The following DAB1 variants were observed in gnomAD, a reference collection of about 807,000 sequenced individuals.
The protein encoded by DAB1 is disabled homolog 1.
DAB1 carries 15 observed loss-of-function variants against 64.6 expected under a neutral mutation model. The ratio of observed to expected loss-of-function variants is 0.23; its 90% CI spans 0.16 to 0.36. DAB1 has a LOEUF of 0.36. DAB1 is among the 10% of genes least tolerant of loss of function. The pLI is 1.00. For missense variants in DAB1, 596 were observed against 706.7 expected, an observed-to-expected ratio of 0.84 and a Z score of 1.78; for synonymous variants, 235 against 251.9, an observed-to-expected ratio of 0.93 and a Z score of 0.64.
chr1:57,168,420 T>C (rs1661408123), intron 2 of DAB1, among the ~76,000 whole-genome samples: 1 of 152,170 alleles, frequency 6.6e-6, no homozygotes, highest in Non-Finnish European at 1.5e-5. Flanking sequence ...CTTACTCCCA[T>C]TTTCCCCTGC....
chr1:57,181,885 GTTTGT>G (rs916857026), intron 2 of DAB1, among the ~76,000 whole-genome samples: 2 of 151,966 alleles, frequency 1.3e-5, no homozygotes, highest in African/African-American at 2.4e-5. Context: ...TTTTTGTTTT[GTTTGT>G]TTTGTTTTGT....
chr1:58,531,379 G>A (rs1646431535), intron 1 of DAB1, among the ~76,000 whole-genome samples: 1 of 152,026 alleles, frequency 6.6e-6, no homozygotes, highest in African/African-American at 2.4e-5. Flanking sequence ...AAAGAATCAG[G>A]TTCTATGAAT....
intron 5 of DAB1, among the ~76,000 whole-genome samples, chr1:58,018,377 C>T (rs1646771963): frequency 6.6e-6 from 1 of 152,130 alleles, no homozygotes; most frequent in Non-Finnish European, 1.5e-5. Flanking sequence ...AGTTTTCAAA[C>T]CTTGGGCCTG....
chr1:57,407,517 C>G (rs1022841176), intron 1 of DAB1, among the ~76,000 whole-genome samples: 1 of 152,048 alleles, frequency 6.6e-6, no homozygotes, highest in African/African-American at 2.4e-5. Flanking sequence ...GAAGAATGAC[C>G]CTGTGTGGCA....
intron 2 of DAB1, among the ~76,000 whole-genome samples, chr1:57,185,466 T>C (rs978050231): frequency 2.0e-5 from 3 of 152,084 alleles, no homozygotes; most frequent in Admixed American, 2.0e-4. Flanking sequence ...CAATGCAAGA[T>C]GTTCAAGAGT....
chr1:57,879,238 G>A (rs982592164), intron 1 of DAB1, among the ~76,000 whole-genome samples: 2 of 152,044 alleles, frequency 1.3e-5, no homozygotes, highest in Admixed American at 6.5e-5. Flanking sequence ...CTGAATTCTG[G>A]CCAATGGAAT....
At chr1:57,559,280 G>A (rs1040061135) in intron 7 of DAB1, among the ~76,000 whole-genome samples, 12 of 152,122 alleles carry the variant, frequency 7.9e-5, no homozygotes, top group Non-Finnish European at 8.8e-5. Flanking sequence ...ATGGATCATC[G>A]TTTGAATGAT....
chr1:57,448,946 C>T (rs1686248638), intron 7 of DAB1, among the ~76,000 whole-genome samples: 1 of 152,198 alleles, frequency 6.6e-6, no homozygotes, highest in South Asian at 2.1e-4. Context: ...CCCCAAGGCT[C>T]ATTTTCCCAT....
chr1:57,430,520 C>T (rs1028199744), intron 7 of DAB1, among the ~76,000 whole-genome samples: 9 of 152,120 alleles, frequency 5.9e-5, no homozygotes, highest in Admixed American at 3.3e-4. Context: ...GGACCACAGG[C>T]GCCCGCCACC....
intron 1 of DAB1, chr1:58,534,322 C>A (rs769815204): frequency 1.2e-6 from 1 of 847,730 alleles, no homozygotes; most frequent in South Asian, 1.4e-5. Flanking sequence ...TTTTTAAATT[C>A]TTCCATCCAC....
upstream of DAB1, among the ~76,000 whole-genome samples, chr1:57,887,301 C>T (rs1424911800): frequency 6.6e-6 from 1 of 152,178 alleles, no homozygotes; most frequent in Non-Finnish European, 1.5e-5. Flanking sequence ...GCTCCCTGAA[C>T]ATGGGGACTA....
At chr1:57,025,474 G>A (rs1484644669) in intron 10 of DAB1, among the ~76,000 whole-genome samples, 1 of 152,160 alleles carries the variant, frequency 6.6e-6, no homozygotes, top group Non-Finnish European at 1.5e-5. Context: ...AGGAGGGAGA[G>A]AGGAAAGAAA....
chr1:57,076,773 T>G (rs1397278412), intron 4 of DAB1, among the ~76,000 whole-genome samples: 1 of 152,326 alleles, frequency 6.6e-6, no homozygotes, highest in Non-Finnish European at 1.5e-5. Context: ...CCCATTTCCC[T>G]GAGTAATAAT....
chr1:57,762,669 T>C (rs1216395327), intron 6 of DAB1, among the ~76,000 whole-genome samples: 1 of 152,198 alleles, frequency 6.6e-6, no homozygotes, highest in African/African-American at 2.4e-5. Context: ...TTTATTTCAA[T>C]GAAGACTAGT....
intron 4 of DAB1, among the ~76,000 whole-genome samples, chr1:58,174,157 C>T (rs1346261601): frequency 6.6e-6 from 1 of 152,294 alleles, no homozygotes; most frequent in South Asian, 2.1e-4. Flanking sequence ...TGTTTTTACA[C>T]TAACCAGTTG....
intron 6 of DAB1, among the ~76,000 whole-genome samples, chr1:57,697,212 G>A (rs1232395633): frequency 6.6e-6 from 1 of 151,922 alleles, no homozygotes; most frequent in Non-Finnish European, 1.5e-5. Context: ...AGATCTGTCA[G>A]ATGAATGAAT....
chr1:57,012,142 G>A (rs1308283162), intron 12 of DAB1, among the ~76,000 whole-genome samples: 2 of 152,212 alleles, frequency 1.3e-5, no homozygotes, highest in Non-Finnish European at 2.9e-5. Context: ...ACCCAAGTGA[G>A]AGGGTGGCAT....
At chr1:57,202,874 C>T (rs188334584) in intron 2 of DAB1, among the ~76,000 whole-genome samples, 1 of 152,336 alleles carries the variant, frequency 6.6e-6, no homozygotes, top group Admixed American at 6.5e-5. Flanking sequence ...CCCCTCTTCA[C>T]AACTATGTCT....
At chr1:58,308,000 C>T (rs80107616) in intron 4 of DAB1, among the ~76,000 whole-genome samples, 3,792 of 152,184 alleles carry the variant, frequency 0.025, 194 homozygotes, top group East Asian at 0.23. Context: ...CCTTGAAGAA[C>T]ATGAGAAATT....
Sources: allele counts gnomAD v4.1 joint callset (sites outside exome capture counted in the v4.1 genomes callset), GRCh38; gene constraint gnomAD v4.1.1; transcripts MANE v1.5; gene names NCBI Gene and HGNC (gene_info 2026-07-23, HGNC 2026-07-21).